Variants in KIAA0753 observed in about 807,000 individuals in gnomAD.
The protein encoded by KIAA0753 is KIAA0753.
In KIAA0753, 114 loss-of-function variants were observed where a neutral mutation model predicts 116.9. That is an observed-to-expected ratio of 0.98 (90% CI 0.84 to 1.14). The LOEUF is 1.14. Among genes scored for constraint, KIAA0753 ranks in the 50% most tolerant of loss-of-function variants. The probability of loss-of-function intolerance (pLI) is 0.00; values close to 1 mark genes in which losing one functional copy is unlikely to be tolerated. For missense variants in KIAA0753, 1,156 were observed against 1,172.4 expected, an observed-to-expected ratio of 0.99 and a Z score of 0.20; for synonymous variants, 405 against 413.1, an observed-to-expected ratio of 0.98 and a Z score of 0.24.
chr17:6,590,631 C>G lies in KIAA0753; in HGVS notation c.2441-1G>C, dbSNP rs1968924586. ...TCACTTATTGCTGAGATTTTTTGGT[C>G]TAGAAAAGGAGGGTCATAAAATGAC... On this transcript the variant is annotated splice_acceptor_variant, in intron 16 of 18. Transcript: ENST00000361413. LOFTEE classifies it high-confidence loss of function. The G allele has an allele frequency of 1.2e-6, 2 of 1,613,200 alleles. No homozygotes were observed. The highest frequency in any genetic ancestry group is 2.7e-5 in the African/African-American group (2 of 74,846).
At position 6,596,309 on chromosome 17, in the gene KIAA0753, C is replaced by T. The variant is rs191670145; in HGVS notation, c.2207G>A (p.Arg736His). Residue 736 changes from arginine to histidine, a missense_variant, in exon 15 of 19, where the codon CGT becomes CAT. By Grantham distance (29) the Arg-to-His change is conservative (BLOSUM62 0). Coordinates refer to ENST00000361413, the MANE Select transcript of KIAA0753 (RefSeq NM_014804.3). ...ATCTTCCAAAAAATCATCAAGCTGA[C>T]GAATGTTGTTGGATTCAAAATCAAC... ...AAVDFESNNIRQLDDFLEDCA... is the reference protein window; with the variant it reads ...AAVDFESNNIHQLDDFLEDCA... 5.3e-4 allele frequency: 844 copies of T among 1,604,632 alleles called. 5 individuals carry two copies. Among genetic ancestry groups the T allele is most frequent in the South Asian group, 3.7e-3 (338 of 90,918 alleles).
In KIAA0753 at chr17:6,579,600, A is replaced by C; in HGVS notation, c.*147T>G. On this transcript the variant is annotated 3_prime_UTR_variant, in exon 19 of 19. Transcript: ENST00000361413. ...CAAAAGAAAATGCAAAGTGAGGATG[A>C]CCTCCCCGGCACTGCCTTCCTTTCA... is the stretch of plus-strand genomic sequence containing the variant. The C allele has an allele frequency of 3.1e-6, 2 of 652,806 alleles. No individual in the cohort carries two copies. Among genetic ancestry groups the C allele is most frequent in the Non-Finnish European group, 5.5e-6 (2 of 363,552 alleles). 40.4% of individuals were successfully genotyped at this position (652,806 alleles called of 1,614,324 possible).
intron 12 of KIAA0753, among the ~76,000 whole-genome samples, chr17:6,601,895 C>G (rs967015229): frequency 6.6e-6 from 1 of 152,154 alleles, no homozygotes; most frequent in African/African-American, 2.4e-5. Context: ...GAGAAAATAT[C>G]TGCTGCACAC....
chr17:6,584,599 T>C (rs1968428824), intron 18 of KIAA0753, among the ~76,000 whole-genome samples: 1 of 152,126 alleles, frequency 6.6e-6, no homozygotes, highest in East Asian at 1.9e-4. Flanking sequence ...CATTTCCCCT[T>C]GTGGAACCAT....
At chr17:6,622,215 T>A (rs1237088423) in intron 6 of KIAA0753, among the ~76,000 whole-genome samples, 1 of 152,220 alleles carries the variant, frequency 6.6e-6, no homozygotes, top group Non-Finnish European at 1.5e-5. Context: ...GAAAAATAAC[T>A]GTCATCTCTC....
Position 6,589,882 on chromosome 17 carries a change from T to A in KIAA0753, c.2683A>T (p.Met895Leu), listed in dbSNP as rs1968868029. The A allele has an allele frequency of 1.9e-6, 3 of 1,613,988 alleles. No homozygotes were observed. The East Asian group carries it at 6.7e-5, about 36-fold the overall frequency. ...GRAPLFVPPG[M>L]QHSIGDYCSR... is the part of the protein sequence containing the mutation. ...CAGTAGTCACCGATGCTGTGCTGCA[T>A]ACCCGGTGGGACAAAGAGGGGAGCT... Residue 895 changes from methionine to leucine, a missense_variant, in exon 18 of 19, where the codon ATG (methionine) becomes TTG (leucine). Transcript: ENST00000361413.
Position 6,623,502 on chromosome 17 carries a change from A to G in KIAA0753, c.888+7T>C, listed in dbSNP as rs376625978. ...CAAGTATTGATCATAATTTAATTGC[A>G]GCATACCTTCTTAGTGTGTTTAATT... On this transcript the variant is annotated splice_region_variant and intron_variant, in intron 5 of 18. Transcript: ENST00000361413. The G allele has an allele frequency of 6.3e-7, 1 of 1,587,328 alleles. No individual in the cohort carries two copies. Among genetic ancestry groups the G allele is most frequent in the African/African-American group, 1.3e-5 (1 of 74,156 alleles).
At chr17:6,601,719 A>T (rs1297837671) in intron 12 of KIAA0753, among the ~76,000 whole-genome samples, 2 of 152,248 alleles carry the variant, frequency 1.3e-5, no homozygotes, top group Non-Finnish European at 2.9e-5. Context: ...GGAAAACATA[A>T]GAGAAAATCC....
chr17:6,595,560 G>T lies in KIAA0753; in HGVS notation c.2359-507C>A, dbSNP rs1247597398. Among the ~76,000 whole-genome samples the T allele has an allele frequency of 3.9e-5, 6 of 152,244 alleles. No homozygotes were observed. The East Asian group carries it at 1.2e-3, about 29-fold the overall frequency. ...AAAGCAGAAATTAGATTTAATCATGGTGCGATGGAAAAGAAAACGCTGAAT... is the reference window on the plus strand; with the variant it reads ...AAAGCAGAAATTAGATTTAATCATGTTGCGATGGAAAAGAAAACGCTGAAT... On this transcript the variant is annotated intron_variant, in intron 15 of 18. Transcript: ENST00000361413.
Position 6,612,052 on chromosome 17 carries a change from A to C in KIAA0753, c.1412T>G (p.Phe471Cys), listed in dbSNP as rs758803621. 6.2e-7 allele frequency: 1 copy of C among 1,614,046 alleles called. No homozygotes were observed. The highest frequency in any genetic ancestry group is 2.2e-5 in the East Asian group (1 of 44,896). Residue 471 changes from phenylalanine (F) to cysteine (C), a missense_variant, in exon 8 of 19, where the codon TTT (phenylalanine) becomes TGT (cysteine). By Grantham distance (205) the Phe-to-Cys change is radical. Coordinates refer to ENST00000361413, the MANE Select transcript of KIAA0753 (RefSeq NM_014804.3). ...GAAGCTTGCACTTTGGTCTAGAATA[A>C]ATGGTCCTTCTTCCAGAACTATATC... ...DADIVLEEGPFILDQSASFKD... is the reference protein window; with the variant it reads ...DADIVLEEGPCILDQSASFKD...
At chr17:6,582,975 C>T (rs1367977137) in intron 18 of KIAA0753, among the ~76,000 whole-genome samples, 2 of 152,158 alleles carry the variant, frequency 1.3e-5, no homozygotes, top group Admixed American at 1.3e-4. Flanking sequence ...TTGTTTCATA[C>T]AGCCAATATT....
At position 6,599,236 on chromosome 17, in the gene KIAA0753, C is replaced by A; in HGVS notation, c.2172+1G>T. On this transcript the variant is annotated splice_donor_variant, in intron 14 of 18. Coordinates refer to ENST00000361413, the MANE Select transcript of KIAA0753 (RefSeq NM_014804.3). LOFTEE classifies it high-confidence loss of function. ...GAATGCCAATATCACACAACGCATA[C>A]CTCCTGTGCAGGCTGGGCTTTCGCT... 1.2e-6 allele frequency: 2 copies of A among 1,609,554 alleles called. No individual in the cohort carries two copies. The highest frequency in any genetic ancestry group is 1.7e-6 in the Non-Finnish European group (2 of 1,175,930).
chr17:6,580,317 T>TCAAGATAC (rs398070870), intron 18 of KIAA0753, among the ~76,000 whole-genome samples: 52 of 125,798 alleles, frequency 4.1e-4, no homozygotes, highest in East Asian at 1.6e-3. Flanking sequence ...GCCAAGATAC[T>TCAAGATAC]TTTTTTTTTT....
Position 6,608,418 on chromosome 17 carries a change from CT to C in KIAA0753, c.1758del (p.Glu587SerfsTer14). On this transcript the variant is annotated frameshift_variant, in exon 10 of 19. Coordinates refer to ENST00000361413, the MANE Select transcript of KIAA0753 (RefSeq NM_014804.3). LOFTEE classifies it high-confidence loss of function. Reference sequence around the variant, plus strand: ...TGAGGATCTTCTTGCTGGAGAGGCTCTTTTGTGGCATCTCTGGGGCTAGTTT... The same window carrying C: ...TGAGGATCTTCTTGCTGGAGAGGCTCTTTGTGGCATCTCTGGGGCTAGTTT... ...KVKTSPRDAT[K>X]EPLQQEDPQE... is the part of the protein sequence containing the mutation. The C allele has an allele frequency of 6.4e-7, 1 of 1,568,154 alleles. No individual in the cohort carries two copies. Among genetic ancestry groups the C allele is most frequent in the South Asian group, 1.2e-5 (1 of 85,664 alleles).
intron 7 of KIAA0753, among the ~76,000 whole-genome samples, chr17:6,616,142 G>A (rs889321117): frequency 3.3e-5 from 5 of 152,080 alleles, no homozygotes; most frequent in African/African-American, 7.2e-5. Context: ...AAACTAAGAG[G>A]GCTACCATAA....
intron 12 of KIAA0753, among the ~76,000 whole-genome samples, chr17:6,605,014 A>G (rs2150808996): frequency 6.6e-6 from 1 of 151,498 alleles, no homozygotes; most frequent in East Asian, 2.0e-4. Flanking sequence ...CCGGGAGGCC[A>G]AGGCAGAAGG....
intron 16 of KIAA0753, among the ~76,000 whole-genome samples, chr17:6,591,983 T>A (rs563891346): frequency 3.1e-4 from 47 of 152,346 alleles, no homozygotes; most frequent in Non-Finnish European, 5.7e-4. Context: ...TGGTAGGACA[T>A]GCCAGAAAGT....
At chr17:6,621,759 C>T (rs1303467750) in intron 6 of KIAA0753, among the ~76,000 whole-genome samples, 1 of 152,180 alleles carries the variant, frequency 6.6e-6, no homozygotes, top group Non-Finnish European at 1.5e-5. Context: ...TAGAGAGTTT[C>T]TTCAGATCCT....
intron 7 of KIAA0753, among the ~76,000 whole-genome samples, chr17:6,617,506 C>T (rs964737432): frequency 7.9e-5 from 12 of 152,184 alleles, no homozygotes; most frequent in African/African-American, 2.9e-4. Context: ...TCCTAAAACC[C>T]TTCTAATTTC....
Sources: gnomAD v4.1 joint callset for allele counts (sites outside exome capture counted in the v4.1 genomes callset) on GRCh38, gnomAD v4.1.1 for gene constraint, MANE v1.5 for transcripts, NCBI Gene and HGNC (gene_info 2026-07-23, HGNC 2026-07-21) for gene names.